The following ATP2C1 variants were observed in gnomAD, a reference collection of about 807,000 sequenced individuals.
ATP2C1 encodes ATPase secretory pathway Ca2+ transporting 1.
In ATP2C1, 31 loss-of-function variants were observed where a neutral mutation model predicts 120.5. The ratio of observed to expected loss-of-function variants is 0.26; its 90% confidence interval spans 0.19 to 0.35. The LOEUF (loss-of-function observed/expected upper bound fraction) is 0.35, where lower values mean the gene tolerates loss of function less well. ATP2C1 is among the 10% of genes least tolerant of loss of function. The pLI, the probability that ATP2C1 is intolerant of heterozygous loss-of-function variation, is 1.00. For synonymous variants in ATP2C1, 351 were observed against 358.7 expected, an observed-to-expected ratio of 0.98 and a Z score of 0.24; for missense variants, 731 against 1,107.5, an observed-to-expected ratio of 0.66 and a Z score of 4.83.
In ATP2C1 at chr3:131,015,591, C is replaced by T. The variant is rs371824992; in HGVS notation, c.2630-561C>T. Among the ~76,000 whole-genome samples the T allele has an allele frequency of 2.0e-4, 30 of 152,272 alleles. No homozygotes were observed. The South Asian group carries it at 5.8e-3, about 29-fold the overall frequency. On this transcript the variant is annotated intron_variant, in intron 26 of 26. Transcript: ENST00000328560. ...GGTTAAGTTCACTTGGGCATCTACT[C>T]ATCATCTCACTTAGAATGAAAGCTC...
At chr3:131,001,124 A>AG in intron 27 of ATP2C1, 96 bp from the exon 28 acceptor site, 1 of 996,416 alleles carries the variant, frequency 1.0e-6, no homozygotes, top group Non-Finnish European at 1.5e-6. Context: ...AAAAAAAAAA[A>AG]AAAGTTGTGT....
intron 2 of ATP2C1, among the ~76,000 whole-genome samples, chr3:130,896,906 T>C (rs1389887833): frequency 6.6e-6 from 1 of 152,214 alleles, no homozygotes; most frequent in East Asian, 1.9e-4. Flanking sequence ...AATGCTGGAT[T>C]CGTCGCTTAC....
chr3:130,970,223 CAG>C (rs1470014127), intron 17 of ATP2C1, among the ~76,000 whole-genome samples: 3 of 151,754 alleles, frequency 2.0e-5, no homozygotes, highest in South Asian at 2.1e-4. Context: ...GAGGCTGAGA[CAG>C]GGGAATTGTT....
rs531304779 is a variant in ATP2C1, at chr3:130,918,659, C to G, written c.7-11757C>G. 14 of 563,712 alleles carry G rather than the reference C, an allele frequency of 2.5e-5. No homozygotes were observed. In the East Asian group the frequency reaches 5.3e-4, roughly 21 times the overall value. The allele number at this position is 563,712 out of a possible 1,614,324, so 34.9% of individuals were successfully genotyped here. Reference sequence around the variant, plus strand: ...TCTCTTAATCATGAATTGCCACTGTCTTGCTATCTAAATTATTCCTGCAAA... The same window carrying G: ...TCTCTTAATCATGAATTGCCACTGTGTTGCTATCTAAATTATTCCTGCAAA... On this transcript the variant is annotated intron_variant, in intron 2 of 27. Coordinates refer to ENST00000510168, the MANE Select transcript of ATP2C1 (RefSeq NM_001378687.1).
chr3:130,864,581 G>C (rs2068109019), intron 1 of ATP2C1, among the ~76,000 whole-genome samples: 1 of 152,176 alleles, frequency 6.6e-6, no homozygotes, highest in Non-Finnish European at 1.5e-5. Flanking sequence ...TCACAGGCCT[G>C]GAGGCCTGTG....
intron 2 of ATP2C1, among the ~76,000 whole-genome samples, chr3:130,921,702 T>C (rs1204408595): frequency 1.3e-5 from 2 of 152,202 alleles, no homozygotes; most frequent in Non-Finnish European, 2.9e-5. Flanking sequence ...TCTATTGAGA[T>C]GATCATGTGA....
chr3:130,980,534 A>G (rs149060701), intron 19 of ATP2C1, 48 bp from the exon 20 acceptor site: 1 of 1,423,894 alleles, frequency 7.0e-7, no homozygotes, highest in South Asian at 1.2e-5. Context: ...CTAGCCTGTC[A>G]AGCAAAAACA....
At chr3:130,960,131 A>G (rs1330884960) in intron 12 of ATP2C1, among the ~76,000 whole-genome samples, 1 of 152,176 alleles carries the variant, frequency 6.6e-6, no homozygotes, top group Non-Finnish European at 1.5e-5. Flanking sequence ...GTCATCTACA[A>G]AGGAAGGGTA....
intron 2 of ATP2C1, among the ~76,000 whole-genome samples, chr3:130,911,127 C>G (rs1408594535): frequency 6.7e-6 from 1 of 149,246 alleles, no homozygotes; most frequent in Non-Finnish European, 1.5e-5. Flanking sequence ...AATTTCAGCT[C>G]CTGTTATTGG....
intron 2 of ATP2C1, among the ~76,000 whole-genome samples, chr3:130,915,572 C>G (rs2058652161): frequency 6.6e-6 from 1 of 152,074 alleles, no homozygotes; most frequent in African/African-American, 2.4e-5. Flanking sequence ...ACCTGCAGTT[C>G]TTGTAGCTAT....
chr3:130,975,101 T>G (rs761173928), intron 17 of ATP2C1, among the ~76,000 whole-genome samples: 1 of 152,164 alleles, frequency 6.6e-6, no homozygotes, highest in Non-Finnish European at 1.5e-5. Flanking sequence ...TGGGGCTTAG[T>G]ATAGCATTGC....
downstream of ATP2C1, among the ~76,000 whole-genome samples, chr3:131,003,583 C>T (rs1379547248): frequency 6.6e-6 from 1 of 152,314 alleles, no homozygotes; most frequent in East Asian, 1.9e-4. Context: ...CAAGGCTGAA[C>T]ATGTTGTGTC....
At chr3:130,932,213 T>C (rs1467317815) in intron 4 of ATP2C1, 75 bp downstream of exon 4, 1 of 939,474 alleles carries the variant, frequency 1.1e-6, no homozygotes, top group African/African-American at 1.6e-5. Context: ...TTGCTTACTT[T>C]TGTGATACTG....
intron 1 of ATP2C1, among the ~76,000 whole-genome samples, chr3:130,886,537 ATTTCT>A (rs1476365713): frequency 6.6e-6 from 1 of 151,502 alleles, no homozygotes; most frequent in Non-Finnish European, 1.5e-5. Flanking sequence ...TTTTATCCTT[ATTTCT>A]TTTGTCTTCT....
chr3:130,919,024 C>A, intron 2 of ATP2C1: 1 of 461,650 alleles, frequency 2.2e-6, no homozygotes, highest in Non-Finnish European at 4.3e-6. Flanking sequence ...AAAGCAGTAG[C>A]GGTGGAAGCT....
chr3:130,893,867 A>T (rs2107892037), upstream of ATP2C1: 2 of 953,458 alleles, frequency 2.1e-6, no homozygotes, highest in Non-Finnish European at 2.5e-6. Flanking sequence ...CTCCTACCGG[A>T]CGGATCCAAA....
intron 1 of ATP2C1, among the ~76,000 whole-genome samples, chr3:130,888,845 C>A (rs763436754): frequency 5.3e-5 from 8 of 152,184 alleles, no homozygotes; most frequent in Non-Finnish European, 1.0e-4. Flanking sequence ...AGTTGTTAAA[C>A]TTTCCAGTAT....
intron 1 of ATP2C1, among the ~76,000 whole-genome samples, chr3:130,886,521 A>T (rs1342624863): frequency 6.6e-6 from 1 of 152,068 alleles, no homozygotes; most frequent in Non-Finnish European, 1.5e-5. Context: ...GCCATGCTTC[A>T]TTCTTTTTTA....
At chr3:130,893,991 C>G, upstream of ATP2C1, 1 of 985,720 alleles carries the variant, frequency 1.0e-6, no homozygotes. Flanking sequence ...GTAATAGTGA[C>G]AAAGCTGGGT....
Sources: gnomAD v4.1 joint callset for allele counts (sites outside exome capture counted in the v4.1 genomes callset) on GRCh38, gnomAD v4.1.1 for gene constraint, MANE v1.5 for transcripts, NCBI Gene and HGNC (gene_info 2026-07-23, HGNC 2026-07-21) for gene names.